Variants in PAPPA observed in about 807,000 individuals in gnomAD.
The protein encoded by PAPPA is pappalysin-1.
PAPPA carries 60 observed loss-of-function variants against 164.0 expected under a neutral mutation model. That is an observed-to-expected ratio of 0.37 (90% confidence interval 0.30 to 0.45). PAPPA has a LOEUF of 0.45. Ranked by LOEUF, PAPPA falls within the 20% of genes least tolerant of loss-of-function variation. The pLI, the probability that PAPPA is intolerant of heterozygous loss-of-function variation, is 1.00. For missense variants in PAPPA, 1,782 were observed against 2,087.3 expected, an observed-to-expected ratio of 0.85 and a Z score of 2.85; for synonymous variants, 875 against 814.1, an observed-to-expected ratio of 1.07 and a Z score of -1.27.
Position 116,154,323 on chromosome 9 carries a change from G to A in PAPPA, c.151G>A (p.Ala51Thr), listed in dbSNP as rs1843572278. The change falls in exon 1 of 22, where the codon GCG becomes ACG. Residue 51 changes from alanine to threonine, a missense_variant. Around this residue, in one of 2 missense-constraint regions of PAPPA, gnomAD observed 458 missense variants for 430.3 expected, o/e 1.06. Transcript: ENST00000328252. The surrounding 1 kb of genome is among the most constrained non-coding windows in gnomAD (Gnocchi z 5.2). ...CGGCCCGGCCACCTGCGCCACCCGG[G>A]CGGCCCGCGGCCGCCGCGCCTCGCC... Reference protein sequence around the residue: ...AAGPATCATRAARGRRASPPP... With the variant: ...AAGPATCATRTARGRRASPPP... 1 of 863,980 alleles carries A rather than the reference G, an allele frequency of 1.2e-6. No individual in the cohort carries two copies. The highest frequency in any genetic ancestry group is 1.9e-5 in the African/African-American group (1 of 53,778). The allele number at this position is 863,980 out of a possible 1,614,324, so 53.5% of individuals were successfully genotyped here. A position where few individuals can be genotyped will look rare whatever the true frequency, so the allele number is the denominator to read the frequency against.
At chr9:116,327,877 T>C (rs969340023) in intron 10 of PAPPA, among the ~76,000 whole-genome samples, 4 of 152,230 alleles carry the variant, frequency 2.6e-5, no homozygotes, top group Non-Finnish European at 5.9e-5. Flanking sequence ...CAACTAGGGC[T>C]TTGGGCAAAG....
intron 6 of PAPPA, among the ~76,000 whole-genome samples, chr9:116,228,697 G>A (rs1398091089): frequency 1.3e-5 from 2 of 152,196 alleles, no homozygotes; most frequent in African/African-American, 4.8e-5. Context: ...CAGCCTCACA[G>A]AATCACAGGC....
chr9:116,271,428 T>C lies in PAPPA; in HGVS notation c.2953+12T>C, dbSNP rs781688359. On this transcript the variant is annotated intron_variant, in intron 9 of 21. Transcript: ENST00000328252. The surrounding 1 kb of genome is among the most constrained non-coding windows in gnomAD (Gnocchi z 4.2). ...CTTCAATTGTATTGGTACGTCTTTT[T>C]CATTTCTTGTGGCCTTCATGAAGAA... 6.3e-7 allele frequency: 1 copy of C among 1,581,394 alleles called. No homozygotes were observed. Among genetic ancestry groups the C allele is most frequent in the African/African-American group, 1.3e-5 (1 of 74,470 alleles).
intron 1 of PAPPA, among the ~76,000 whole-genome samples, chr9:116,162,464 A>G (rs1231556616): frequency 6.6e-6 from 1 of 152,192 alleles, no homozygotes; most frequent in Non-Finnish European, 1.5e-5. Context: ...CTGCAGGAGC[A>G]TATGTTTACT....
chr9:116,214,140 T>G (rs1844342944), intron 4 of PAPPA, among the ~76,000 whole-genome samples: 1 of 152,210 alleles, frequency 6.6e-6, no homozygotes, highest in Non-Finnish European at 1.5e-5. Context: ...CCATGACCTC[T>G]ACTACCCATG....
chr9:116,306,522 T>C (rs1845648779), intron 10 of PAPPA, among the ~76,000 whole-genome samples: 1 of 152,180 alleles, frequency 6.6e-6, no homozygotes, highest in Non-Finnish European at 1.5e-5. Flanking sequence ...TTGTGCAAAT[T>C]GGGTTGAACA....
rs113108616 is a variant in PAPPA, at chr9:116,194,210, T to A, written c.1478+5994T>A. On this transcript the variant is annotated intron_variant, in intron 2 of 21. Transcript: ENST00000328252. ...GCTGGGCAGTTTGTTAGCTATGCAA[T>A]CTTGGGCAAGCCTTTTAATCTCTCT... Among the ~76,000 whole-genome samples the A allele has an allele frequency of 7.4e-3, 1,133 of 152,308 alleles. 24 individuals carry two copies. Among genetic ancestry groups the A allele is most frequent in the African/African-American group, 0.025 (1,056 of 41,552 alleles).
At chr9:116,278,764 T>C (rs1458170004) in intron 9 of PAPPA, among the ~76,000 whole-genome samples, 1 of 152,154 alleles carries the variant, frequency 6.6e-6, no homozygotes. Context: ...ACTACATGGG[T>C]CTTTTTAGGC....
At chr9:116,255,097 A>G (rs59738351) in intron 7 of PAPPA, among the ~76,000 whole-genome samples, 2,886 of 151,902 alleles carry the variant, frequency 0.019, 85 homozygotes, top group African/African-American at 0.067. Flanking sequence ...TCTGAGTTTC[A>G]CCTTCCTAAA....
rs766419385 is a variant in PAPPA at position 116,352,733 on chromosome 9, A to T, written c.3992A>T (p.Glu1331Val). ...KGNNSLLTCM[E>V]DGLWSFPEAL... ...AACAACAGCCTCCTGACCTGCATGG[A>T]GGATGGGCTGTGGTCCTTCCCAGAG... Residue 1331 changes from glutamate (E) to valine (V), a missense_variant, in exon 16 of 22, where the codon GAG becomes GTG. Coordinates refer to ENST00000328252, the MANE Select transcript of PAPPA (RefSeq NM_002581.5). 2 of 1,613,154 alleles carry T rather than the reference A, an allele frequency of 1.2e-6. No homozygotes were observed. The highest frequency in any genetic ancestry group is 2.2e-5 in the South Asian group (2 of 91,022).
At chr9:116,266,026 G>A (rs777293828) in intron 8 of PAPPA, 41 bp downstream of exon 8, 13 of 1,558,228 alleles carry the variant, frequency 8.3e-6, no homozygotes, top group Non-Finnish European at 1.1e-5. Context: ...AGGGATGCTG[G>A]TTAGGTCAAG....
At chr9:116,255,071 A>G (rs963136645) in intron 7 of PAPPA, among the ~76,000 whole-genome samples, 3 of 151,852 alleles carry the variant, frequency 2.0e-5, no homozygotes, top group African/African-American at 4.8e-5. Context: ...TTTAAAAAAT[A>G]TATAATATAA....
intron 18 of PAPPA, among the ~76,000 whole-genome samples, chr9:116,365,992 G>A (rs1846496063): frequency 6.6e-6 from 1 of 152,048 alleles, no homozygotes; most frequent in Non-Finnish European, 1.5e-5. Flanking sequence ...ATGTATATTT[G>A]GAAGGGGGCC....
chr9:116,176,457 C>T (rs1265486900), intron 1 of PAPPA, among the ~76,000 whole-genome samples: 1 of 152,088 alleles, frequency 6.6e-6, no homozygotes, highest in East Asian at 1.9e-4. Context: ...GATTAAGCAC[C>T]AGCTTTGTTT....
chr9:116,169,872 G>A (rs1264832624), intron 1 of PAPPA, among the ~76,000 whole-genome samples: 1 of 151,866 alleles, frequency 6.6e-6, no homozygotes, highest in East Asian at 1.9e-4. Flanking sequence ...CAAGAGTGGG[G>A]TCTCAGTTAC....
At chr9:116,359,558 ATCT>A (rs1284435767) in intron 17 of PAPPA, among the ~76,000 whole-genome samples, 2 of 152,220 alleles carry the variant, frequency 1.3e-5, no homozygotes, top group Admixed American at 1.3e-4. Context: ...GTGATGCCAG[ATCT>A]TCTCTGGTCA....
Position 116,187,486 on chromosome 9 carries a change from C to G in PAPPA, c.748C>G (p.Arg250Gly). 6.2e-7 allele frequency: 1 copy of G among 1,614,142 alleles called. No homozygotes were observed. The highest frequency in any genetic ancestry group is 1.1e-5 in the South Asian group (1 of 91,084). ...LGGSALNHNY[R>G]GYIEHFSLWK... ...GGGCAGTGCCCTGAATCACAACTAC[C>G]GGGGCTACATCGAGCACTTCAGTCT... Residue 250 changes from arginine (R) to glycine (G), a missense_variant, in exon 2 of 22, where the codon CGG becomes GGG. Coordinates refer to ENST00000328252, the MANE Select transcript of PAPPA (RefSeq NM_002581.5). The surrounding 1 kb of genome is among the most constrained non-coding windows in gnomAD (Gnocchi z 4.2).
chr9:116,374,238 GATGGTA>G (rs1846620381), intron 19 of PAPPA, among the ~76,000 whole-genome samples: 1 of 150,698 alleles, frequency 6.6e-6, no homozygotes, highest in South Asian at 2.1e-4. Context: ...CAGTGATGAT[GATGGTA>G]ATTGCAACCA....
intron 1 of PAPPA, among the ~76,000 whole-genome samples, chr9:116,156,305 T>C (rs1843601684): frequency 7.4e-6 from 1 of 134,410 alleles, no homozygotes; most frequent in Admixed American, 7.7e-5. Context: ...TATATATACA[T>C]GTATATATAT....
Sources: gnomAD v4.1 joint callset for allele counts (sites outside exome capture counted in the v4.1 genomes callset) on GRCh38, gnomAD v4.1.1 for gene constraint, gnomAD v4.1.1 regional missense constraint, Gnocchi (gnomAD v3.1) non-coding constraint, MANE v1.5 for transcripts, NCBI Gene and HGNC (gene_info 2026-07-23, HGNC 2026-07-21) for gene names.